AR: variants seen among roughly 807,000 people sequenced by gnomAD.
The protein encoded by AR is androgen receptor.
In AR, 8 loss-of-function variants were observed where a neutral mutation model predicts 53.9. That is an observed-to-expected ratio of 0.15 (90% CI 0.09 to 0.27). The LOEUF is 0.27. AR is among the 10% of genes least tolerant of loss of function. The pLI is 1.00. For synonymous variants in AR, 359 were observed against 316.4 expected (o/e 1.13, Z -1.43); for missense variants, 639 against 742.5 (o/e 0.86, Z 1.62).
At chrX:67,598,838 TCCAAAA>T (rs1923205217) in intron 1 of AR, among the ~76,000 whole-genome samples, 1 of 110,476 alleles carries the variant, frequency 9.1e-6, no homozygotes, top group Admixed American at 9.7e-5. Flanking sequence ...CTTCTTATGA[TCCAAAA>T]CCAAGCATGG....
intron 1 of AR, among the ~76,000 whole-genome samples, chrX:67,577,099 C>A (rs1602167003): frequency 9.4e-6 from 1 of 106,931 alleles, no homozygotes; most frequent in African/African-American, 3.4e-5. Context: ...ACCCTCTGCC[C>A]ATTAGCAGTT....
chrX:67,654,416 A>G (rs976238828), intron 2 of AR, among the ~76,000 whole-genome samples: 3 of 111,299 alleles, frequency 2.7e-5, no homozygotes, highest in Non-Finnish European at 5.6e-5. Flanking sequence ...AAAGGCCATC[A>G]GCATTTGTAT....
intron 1 of AR, among the ~76,000 whole-genome samples, chrX:67,564,008 A>G (rs771231728): frequency 6.3e-5 from 7 of 111,671 alleles, no homozygotes; most frequent in Non-Finnish European, 1.3e-4. Context: ...CATCCTTGTG[A>G]TCCACACAGC....
Position 67,723,904 on chromosome X carries a change from T to G in AR, c.*63T>G. 1 of 1,169,693 alleles carries G rather than the reference T, an allele frequency of 8.5e-7. No homozygotes were observed. Among genetic ancestry groups the G allele is most frequent in the Middle Eastern group, 3.2e-4 (1 of 3,087 alleles). On this transcript the variant is annotated 3_prime_UTR_variant, in exon 8 of 8. Transcript: ENST00000374690. The stretch of plus-strand genomic sequence containing the variant: ...CCCCTTTCAGATGTCTTCTGCCTGT[T>G]ATAACTCTGCACTACTCCTCTGCAG...
intron 1 of AR, among the ~76,000 whole-genome samples, chrX:67,551,000 G>GGT (rs1187534442): frequency 1.1e-3 from 84 of 74,479 alleles, no homozygotes; most frequent in African/African-American, 9.5e-3. Flanking sequence ...TGAATAGCTG[G>GGT]GTTTTTTTTT....
chrX:67,663,906 T>A (rs908868660), intron 2 of AR, among the ~76,000 whole-genome samples: 6 of 112,376 alleles, frequency 5.3e-5, no homozygotes, highest in Non-Finnish European at 1.1e-4. Context: ...TTCCAGTTGA[T>A]CTAATCGGCT....
At chrX:67,620,771 G>C (rs1371274049) in intron 1 of AR, among the ~76,000 whole-genome samples, 1 of 111,554 alleles carries the variant, frequency 9.0e-6, no homozygotes. Context: ...TGTAACTCTT[G>C]CTCTGTATGA....
chrX:67,708,288 G>A (rs1446182751), intron 3 of AR, among the ~76,000 whole-genome samples: 1 of 111,723 alleles, frequency 9.0e-6, no homozygotes, highest in Non-Finnish European at 1.9e-5. Flanking sequence ...CCAATCAGAT[G>A]TAGATTTGGT....
chrX:67,556,925 G>A (rs1354936898), intron 1 of AR, among the ~76,000 whole-genome samples: 1 of 111,124 alleles, frequency 9.0e-6, no homozygotes, highest in African/African-American at 3.3e-5. Flanking sequence ...GTGAAGGATG[G>A]TAGACAATGA....
In AR at chrX:67,730,056, T is replaced by G; in HGVS notation, c.*6215T>G. The G allele has an allele frequency of 5.7e-6, 1 of 175,203 alleles. No individual in the cohort carries two copies. The highest frequency in any genetic ancestry group is 1.1e-5 in the Non-Finnish European group (1 of 91,432). The allele number at this position is 175,203 out of a possible 1,213,427, so 14.4% of individuals were successfully genotyped here. ...TCTGCTTTCCTCTAGACTGGAACAT[T>G]GATTAGGGAGTGCCTCAGACATGAC... On this transcript the variant is annotated 3_prime_UTR_variant, in exon 8 of 8. Transcript: ENST00000374690.
At chrX:67,606,722 T>G (rs1419052576) in intron 1 of AR, among the ~76,000 whole-genome samples, 3 of 112,528 alleles carry the variant, frequency 2.7e-5, no homozygotes. Flanking sequence ...AATTATTAGT[T>G]TGTATGCCTT....
At chrX:67,615,395 G>A (rs899407018) in intron 1 of AR, among the ~76,000 whole-genome samples, 4 of 110,821 alleles carry the variant, frequency 3.6e-5, no homozygotes, top group African/African-American at 1.3e-4. Context: ...AAATAACAGA[G>A]AGCAGAAGGC....
At chrX:67,632,735 T>C (rs1925227112) in intron 1 of AR, among the ~76,000 whole-genome samples, 1 of 112,301 alleles carries the variant, frequency 8.9e-6, no homozygotes, top group East Asian at 2.8e-4. Flanking sequence ...ATCAAGAAAG[T>C]GAAAATCTCA....
At chrX:67,716,003 C>A (rs1014304775) in intron 4 of AR, among the ~76,000 whole-genome samples, 1 of 111,724 alleles carries the variant, frequency 9.0e-6, no homozygotes, top group African/African-American at 3.3e-5. Flanking sequence ...TTATTGTAGA[C>A]GTAGCTTCTG....
At chrX:67,613,627 G>A (rs1923979059) in intron 1 of AR, among the ~76,000 whole-genome samples, 1 of 111,254 alleles carries the variant, frequency 9.0e-6, no homozygotes, top group Non-Finnish European at 1.9e-5. Context: ...AACCTAAACA[G>A]GATGTGGGGT....
chrX:67,692,227 T>G (rs982072724), intron 3 of AR, among the ~76,000 whole-genome samples: 3 of 112,078 alleles, frequency 2.7e-5, no homozygotes. Context: ...AACGTGGAAC[T>G]CAGTTACTGG....
At chrX:67,704,211 G>A (rs925739745) in intron 3 of AR, among the ~76,000 whole-genome samples, 52 of 111,824 alleles carry the variant, frequency 4.7e-4, no homozygotes, top group African/African-American at 1.7e-3. Flanking sequence ...GATCCCTGAG[G>A]AATCACCACA....
chrX:67,689,507 T>G, intron 3 of AR: 2 of 868,796 alleles, frequency 2.3e-6, no homozygotes, highest in East Asian at 1.6e-4. Context: ...TATAGCTTTT[T>G]CTTTCCTGCT....
chrX:67,622,072 A>T (rs1043784139), intron 1 of AR, among the ~76,000 whole-genome samples: 5 of 112,108 alleles, frequency 4.5e-5, no homozygotes, highest in Admixed American at 2.8e-4. Context: ...GGACATAATA[A>T]GCCCCCAGTA....
Sources: gnomAD v4.1 joint callset for allele counts (sites outside exome capture counted in the v4.1 genomes callset) on GRCh38, gnomAD v4.1.1 for gene constraint, MANE v1.5 for transcripts, NCBI Gene and HGNC (gene_info 2026-07-23, HGNC 2026-07-21) for gene names.